The following TECRL variants were observed in gnomAD, a reference collection of about 807,000 sequenced individuals.
TECRL encodes the protein trans-2,3-enoyl-CoA reductase like, also known as trans-2,3-enoyl-CoA reductase-like.
A neutral mutation model predicts 52.8 loss-of-function variants in TECRL; 63 were observed. That is an observed-to-expected ratio of 1.19 (90% confidence interval 0.97 to 1.47). The LOEUF (loss-of-function observed/expected upper bound fraction) is 1.47, where lower values mean the gene tolerates loss of function less well. TECRL is among the 40% of genes most tolerant of loss of function. The pLI is 0.00. For synonymous variants in TECRL, 164 were observed against 141.9 expected (o/e 1.16, Z -1.10); for missense variants, 482 against 429.6 (o/e 1.12, Z -1.08).
intron 2 of TECRL, among the ~76,000 whole-genome samples, chr4:64,359,046 T>C (rs974566997): frequency 5.9e-5 from 9 of 151,932 alleles, no homozygotes; most frequent in Admixed American, 3.3e-4. Context: ...TTAGATTGTT[T>C]ATATGGAATT....
rs185375795 is a variant in TECRL, at chr4:64,293,927, T to C, written c.775-4160A>G. ...TAACTGTTCTCACTTTTATATGCAT[T>C]GATATTGTTAATATCATTATTAATT... On this transcript the variant is annotated intron_variant, in intron 8 of 11. Transcript: ENST00000381210. Among the ~76,000 whole-genome samples the C allele has an allele frequency of 4.9e-3, 742 of 150,840 alleles. 3 individuals carry two copies. The highest frequency in any genetic ancestry group is 0.01 in the Middle Eastern group (3 of 286).
intron 1 of TECRL, among the ~76,000 whole-genome samples, chr4:64,392,692 C>A (rs1435680386): frequency 6.6e-6 from 1 of 151,910 alleles, no homozygotes; most frequent in African/African-American, 2.4e-5. Flanking sequence ...CATATAAACT[C>A]TTCTCTCCTG....
At chr4:64,338,681 A>C (rs1371299009) in intron 2 of TECRL, among the ~76,000 whole-genome samples, 1 of 152,254 alleles carries the variant, frequency 6.6e-6, no homozygotes, top group Non-Finnish European at 1.5e-5. Context: ...CACATGATAA[A>C]ATGTTCATCA....
chr4:64,381,814 T>G (rs1722813176), intron 1 of TECRL, among the ~76,000 whole-genome samples: 1 of 152,052 alleles, frequency 6.6e-6, no homozygotes, highest in Non-Finnish European at 1.5e-5. Context: ...CTGAAGATGT[T>G]TGTGTCTTTG....
In TECRL at chr4:64,333,920, A is replaced by T. The variant is rs573702979; in HGVS notation, c.287-5364T>A. Among the ~76,000 whole-genome samples the T allele has an allele frequency of 4.8e-3, 664 of 139,174 alleles. 87 individuals are homozygous for T. Among genetic ancestry groups the T allele is most frequent in the African/African-American group, 0.019 (649 of 34,952 alleles). 91.3% of individuals were successfully genotyped at this position (139,174 alleles called of 152,430 possible). On this transcript the variant is annotated intron_variant, in intron 2 of 11. Transcript: ENST00000381210. ...GCGCCTGTAGTCCCAGCTACTCGGG[A>T]GGCTGAGGCAGGAGAATGGCGTGAA...
At chr4:64,389,839 CAAATT>C (rs1467492819) in intron 1 of TECRL, among the ~76,000 whole-genome samples, 2 of 151,712 alleles carry the variant, frequency 1.3e-5, no homozygotes, top group Admixed American at 6.6e-5. Flanking sequence ...AAATTGGTGA[CAAATT>C]AGGTTATTTT....
At chr4:64,367,106 C>T (rs1235334387) in intron 2 of TECRL, among the ~76,000 whole-genome samples, 1 of 152,090 alleles carries the variant, frequency 6.6e-6, no homozygotes, top group African/African-American at 2.4e-5. Context: ...GAGCTGGAGG[C>T]CATTATCATG....
intron 1 of TECRL, among the ~76,000 whole-genome samples, chr4:64,402,084 A>AT (rs1446171165): frequency 6.6e-6 from 1 of 152,136 alleles, no homozygotes; most frequent in Admixed American, 6.5e-5. Flanking sequence ...ACCAAGGGAA[A>AT]TACAAACTTT....
At chr4:64,373,578 T>C (rs1722130869) in intron 2 of TECRL, among the ~76,000 whole-genome samples, 1 of 151,920 alleles carries the variant, frequency 6.6e-6, no homozygotes, top group African/African-American at 2.4e-5. Flanking sequence ...TACTTTTTTG[T>C]CAGGGTGACT....
In TECRL at chr4:64,340,004, T is replaced by C. The variant is rs78033393; in HGVS notation, c.287-11448A>G. On this transcript the variant is annotated intron_variant, in intron 2 of 11. Coordinates refer to ENST00000381210, the MANE Select transcript of TECRL (RefSeq NM_001010874.5). ...GTCTCACTATGAGCAACCGTAAACC[T>C]CGTTTTACTCAACTATTTGACTTTC... 7.7e-3 allele frequency among the ~76,000 whole-genome samples: 1,176 copies of C among 152,246 alleles called. 17 individuals are homozygous for C. Among genetic ancestry groups the C allele is most frequent in the African/African-American group, 0.027 (1,103 of 41,548 alleles).
intron 2 of TECRL, among the ~76,000 whole-genome samples, chr4:64,332,730 A>G (rs570690258): frequency 2.3e-4 from 35 of 152,150 alleles, no homozygotes; most frequent in Non-Finnish European, 4.0e-4. Flanking sequence ...GGTTTATGAG[A>G]TATCATTTAA....
intron 4 of TECRL, among the ~76,000 whole-genome samples, chr4:64,315,741 A>G: frequency 6.6e-6 from 1 of 152,104 alleles, no homozygotes; most frequent in East Asian, 1.9e-4. Flanking sequence ...GCATGGTTTC[A>G]TATATATTCA....
At chr4:64,310,538 A>G (rs1028551718) in intron 5 of TECRL, among the ~76,000 whole-genome samples, 8 of 152,154 alleles carry the variant, frequency 5.3e-5, no homozygotes, top group African/African-American at 1.9e-4. Context: ...TCATTTTTAT[A>G]TAATTACTAT....
intron 2 of TECRL, among the ~76,000 whole-genome samples, chr4:64,344,438 A>C (rs1719806976): frequency 6.6e-6 from 1 of 152,096 alleles, no homozygotes; most frequent in Admixed American, 6.6e-5. Context: ...TGAAAAAAAC[A>C]CAATTTAGGA....
chr4:64,289,333 ATAG>A (rs1254576618), intron 9 of TECRL, among the ~76,000 whole-genome samples: 1 of 152,238 alleles, frequency 6.6e-6, no homozygotes, highest in African/African-American at 2.4e-5. Flanking sequence ...GTAATTTGAA[ATAG>A]TAGGACTTTA....
intron 2 of TECRL, among the ~76,000 whole-genome samples, chr4:64,356,307 G>A (rs1235902488): frequency 2.0e-5 from 3 of 152,110 alleles, no homozygotes; most frequent in African/African-American, 7.2e-5. Flanking sequence ...AAGAGTCTCT[G>A]CTGAGGAGGA....
intron 7 of TECRL, 137 bp from the exon 8 acceptor site, chr4:64,300,154 G>A (rs1175273721): frequency 4.0e-6 from 2 of 502,854 alleles, no homozygotes; most frequent in Non-Finnish European, 6.8e-6. Context: ...TTCACCTTTT[G>A]GGATGATACT....
At chr4:64,283,337 C>G (rs1001358433) in intron 9 of TECRL, among the ~76,000 whole-genome samples, 6 of 151,864 alleles carry the variant, frequency 4.0e-5, no homozygotes, top group African/African-American at 1.2e-4. Flanking sequence ...ATAGTTGGCA[C>G]CAGGAATGGC....
intron 2 of TECRL, among the ~76,000 whole-genome samples, chr4:64,330,986 T>C (rs1008072874): frequency 2.0e-5 from 3 of 152,002 alleles, no homozygotes; most frequent in African/African-American, 7.2e-5. Context: ...GAAAACCCAA[T>C]TATAGGAAAT....
Sources: gnomAD v4.1 joint callset for allele counts (sites outside exome capture counted in the v4.1 genomes callset) on GRCh38, gnomAD v4.1.1 for gene constraint, MANE v1.5 for transcripts, NCBI Gene and HGNC (gene_info 2026-07-23, HGNC 2026-07-21) for gene names.